Variants in ABHD12 observed in about 807,000 individuals in gnomAD.
ABHD12 encodes the protein lysophosphatidylserine lipase ABHD12.
A neutral mutation model predicts 58.3 loss-of-function variants in ABHD12; 43 were observed. The observed-to-expected ratio is 0.74, with a 90% CI of 0.58 to 0.95. ABHD12 has a LOEUF of 0.95. Ranked by LOEUF, ABHD12 falls within the 40% of genes least tolerant of loss-of-function variation. The pLI, the probability that ABHD12 is intolerant of heterozygous loss-of-function variation, is 0.00. For missense variants in ABHD12, 539 were observed against 537.2 expected, an observed-to-expected ratio of 1.00 and a Z score of -0.03; for synonymous variants, 219 against 211.2, an observed-to-expected ratio of 1.04 and a Z score of -0.32.
chr20:25,383,211 ACT>A (rs757322197), intron 1 of ABHD12, among the ~76,000 whole-genome samples: 4 of 152,114 alleles, frequency 2.6e-5, no homozygotes, highest in Non-Finnish European at 4.4e-5. Flanking sequence ...TCAGCCACCC[ACT>A]CTTCTGGGTT....
chr20:25,364,919 A>G (rs2089799015), intron 1 of ABHD12, among the ~76,000 whole-genome samples: 2 of 152,174 alleles, frequency 1.3e-5, no homozygotes, highest in African/African-American at 4.8e-5. Flanking sequence ...CTAGGAGACC[A>G]CCAAAACCTT....
chr20:25,371,840 G>A (rs1009542416), intron 1 of ABHD12, among the ~76,000 whole-genome samples: 5 of 152,204 alleles, frequency 3.3e-5, no homozygotes, highest in Admixed American at 6.5e-5. Context: ...ATAAGCCACA[G>A]TGCCTGGTCC....
At chr20:25,311,013 GAGA>G (rs2088840131) in intron 6 of ABHD12, among the ~76,000 whole-genome samples, 1 of 152,208 alleles carries the variant, frequency 6.6e-6, no homozygotes, top group African/African-American at 2.4e-5. Flanking sequence ...TCAACATGGA[GAGA>G]AGGAGAGGGC....
At chr20:25,360,227 CTTTTT>C (rs576215687) in intron 1 of ABHD12, among the ~76,000 whole-genome samples, 72 of 37,380 alleles carry the variant, frequency 1.9e-3, no homozygotes, top group South Asian at 5.2e-3. Context: ...GAACACGTTA[CTTTTT>C]TTTTTTTTTT....
chr20:25,330,585 C>G (rs554151346), intron 2 of ABHD12, among the ~76,000 whole-genome samples: 21 of 152,222 alleles, frequency 1.4e-4, no homozygotes, highest in Admixed American at 1.4e-3. Flanking sequence ...CTGAAGAGAG[C>G]GGTGGTTCTC....
chr20:25,302,082 G>A, intron 12 of ABHD12, 137 bp downstream of exon 12: 1 of 1,291,924 alleles, frequency 7.7e-7, no homozygotes, highest in South Asian at 1.2e-5. Flanking sequence ...CCAAGGAAAT[G>A]GAAGGCTCCC....
chr20:25,345,080 C>T (rs142602287), intron 1 of ABHD12, among the ~76,000 whole-genome samples: 5 of 151,306 alleles, frequency 3.3e-5, no homozygotes, highest in African/African-American at 9.7e-5. Context: ...TTGGGTATGA[C>T]GAAGACTTTT....
At chr20:25,375,140 G>A (rs1043471181) in intron 1 of ABHD12, among the ~76,000 whole-genome samples, 3 of 152,208 alleles carry the variant, frequency 2.0e-5, no homozygotes, top group African/African-American at 7.2e-5. Context: ...CATGGAGAAG[G>A]TGGTCATCTA....
intron 1 of ABHD12, among the ~76,000 whole-genome samples, chr20:25,354,211 C>T (rs2146071443): frequency 6.6e-6 from 1 of 152,274 alleles, no homozygotes; most frequent in African/African-American, 2.4e-5. Context: ...TCATATTTGG[C>T]AGTAAAGCAA....
chr20:25,367,307 T>C (rs1001592886), intron 1 of ABHD12, among the ~76,000 whole-genome samples: 5 of 152,278 alleles, frequency 3.3e-5, no homozygotes, highest in Middle Eastern at 3.4e-3. Flanking sequence ...TACAGTTTTG[T>C]GGGAGGAGGG....
At chr20:25,300,973 G>C in intron 12 of ABHD12, 89 bp from the exon 13 acceptor site, 5 of 1,411,402 alleles carry the variant, frequency 3.5e-6, no homozygotes, top group Non-Finnish European at 4.9e-6. Context: ...TAAGGAAGCA[G>C]AGGCTGTGCA....
rs1466022514 is a variant in ABHD12 at position 25,390,682 on chromosome 20, C to T, written c.22G>A (p.Val8Ile). MRKRTEP[V>I]ALEHERCAAA... is the part of the protein sequence containing the mutation. Reference sequence around the variant, plus strand: ...GCGCAGCGCTCATGCTCCAAGGCGACGGGCTCGGTCCGCTTCCTCATCCCG... The same window carrying T: ...GCGCAGCGCTCATGCTCCAAGGCGATGGGCTCGGTCCGCTTCCTCATCCCG... Residue 8 changes from valine (V) to isoleucine (I), a missense_variant, in exon 1 of 13, where the codon GTC becomes ATC. Physicochemically the swap from Val to Ile is conservative, Grantham distance 29. Transcript: ENST00000339157. The T allele has an allele frequency of 2.1e-6, 3 of 1,417,368 alleles. No individual in the cohort carries two copies. Among genetic ancestry groups the T allele is most frequent in the Non-Finnish European group, 2.8e-6 (3 of 1,086,028 alleles). The allele number at this position is 1,417,368 out of a possible 1,614,324, so 87.8% of individuals were successfully genotyped here.
chr20:25,303,269 G>C (rs2088670951), intron 11 of ABHD12: 2 of 1,284,796 alleles, frequency 1.6e-6, no homozygotes, highest in South Asian at 3.0e-5. Context: ...TAACCCCTGT[G>C]TGAGGACTGG....
At chr20:25,325,414 T>C (rs998145864) in intron 2 of ABHD12, among the ~76,000 whole-genome samples, 4 of 151,972 alleles carry the variant, frequency 2.6e-5, no homozygotes, top group Admixed American at 1.3e-4. Context: ...TACCTAAGAG[T>C]GTGACCTTAC....
intron 1 of ABHD12, among the ~76,000 whole-genome samples, chr20:25,383,969 A>AG (rs1451715366): frequency 1.6e-4 from 13 of 82,254 alleles, no homozygotes; most frequent in African/African-American, 2.5e-4. Flanking sequence ...AAAAAAAAAA[A>AG]AAAAAGAAAA....
downstream of ABHD12, among the ~76,000 whole-genome samples, chr20:25,298,327 A>G (rs2500430): frequency 0.48 from 73,131 of 151,654 alleles, 18,316 homozygotes; most frequent in East Asian, 0.98. Flanking sequence ...GTGCAGTGGC[A>G]CGGTCTTGGC....
chr20:25,326,996 G>A (rs1321174714), intron 2 of ABHD12, among the ~76,000 whole-genome samples: 4 of 152,166 alleles, frequency 2.6e-5, no homozygotes, highest in South Asian at 2.1e-4. Context: ...CATGCAAGCC[G>A]TGGATCCCCA....
intron 1 of ABHD12, among the ~76,000 whole-genome samples, chr20:25,384,952 CATGTGTGTGTGTGT>C (rs1197586036): frequency 1.2e-4 from 18 of 152,070 alleles, no homozygotes; most frequent in African/African-American, 2.4e-4. Context: ...GAGCACAAAA[CATGTGTGTGTGTGT>C]ATGTGTGTGT....
intron 10 of ABHD12, among the ~76,000 whole-genome samples, chr20:25,304,468 G>A (rs1268258860): frequency 6.6e-6 from 1 of 152,244 alleles, no homozygotes; most frequent in African/African-American, 2.4e-5. Flanking sequence ...CTGAGGGTGG[G>A]GGTCTCACCC....
Sources: allele counts gnomAD v4.1 joint callset (sites outside exome capture counted in the v4.1 genomes callset), GRCh38; gene constraint gnomAD v4.1.1; transcripts MANE v1.5; gene names NCBI Gene and HGNC (gene_info 2026-07-23, HGNC 2026-07-21).